The following SAMD12 variants were observed in gnomAD, a reference collection of about 807,000 sequenced individuals.
SAMD12 encodes sterile alpha motif domain containing 12.
Under a neutral mutation model 15.0 loss-of-function variants are expected in SAMD12, and 9 were observed. That is an observed-to-expected ratio of 0.60 (90% CI 0.36 to 1.05). SAMD12 has a LOEUF of 1.05. Ranked by LOEUF, SAMD12 falls within the 50% of genes least tolerant of loss-of-function variation. The pLI, the probability that SAMD12 is intolerant of heterozygous loss-of-function variation, is 0.01. For missense variants in SAMD12, 230 were observed against 234.2 expected, an observed-to-expected ratio of 0.98 and a Z score of 0.12; for synonymous variants, 86 against 90.1, an observed-to-expected ratio of 0.96 and a Z score of 0.25.
chr8:118,576,911 C>T (rs16891208), intron 2 of SAMD12, among the ~76,000 whole-genome samples: 3,229 of 152,234 alleles, frequency 0.021, 112 homozygotes, highest in African/African-American at 0.073. Flanking sequence ...TCTGGACCTC[C>T]CAATGCAATG....
intron 4 of SAMD12, among the ~76,000 whole-genome samples, chr8:118,368,338 A>G (rs952091147): frequency 1.3e-5 from 2 of 152,198 alleles, no homozygotes; most frequent in Admixed American, 1.3e-4. Context: ...ATCTGTTCAG[A>G]TTCCTATTAG....
intron 4 of SAMD12, among the ~76,000 whole-genome samples, chr8:118,287,252 G>C (rs1003702477): frequency 1.3e-5 from 2 of 151,464 alleles, no homozygotes; most frequent in African/African-American, 2.4e-5. Context: ...AGCCTTCCGA[G>C]TAGCTGGGAC....
the SAMD12 span, among the ~76,000 whole-genome samples, chr8:118,151,792 T>A: frequency 1.3e-5 from 2 of 148,724 alleles, no homozygotes; most frequent in African/African-American, 5.0e-5. Context: ...ATCACGCCAC[T>A]GCACTCTAGC....
At chr8:118,447,947 C>A (rs1822968203) in intron 2 of SAMD12, among the ~76,000 whole-genome samples, 1 of 151,670 alleles carries the variant, frequency 6.6e-6, no homozygotes, top group African/African-American at 2.4e-5. Flanking sequence ...CCAAGATGGT[C>A]TTGATCTCCT....
chr8:118,231,039 TTAA>T (rs1381749335), intron 4 of SAMD12, among the ~76,000 whole-genome samples: 1 of 152,144 alleles, frequency 6.6e-6, no homozygotes, highest in Non-Finnish European at 1.5e-5. Flanking sequence ...TAGAAGGTTA[TTAA>T]TAATAAGGCA....
Position 118,270,926 on chromosome 8 carries a change from G to A in SAMD12, c.434-73194C>T, listed in dbSNP as rs1473417624. ...ATTTATAACATGAGAAGTCCAAGGGGTTACTGCATCATTTGAATATAATTA... is the reference window on the plus strand; with the variant it reads ...ATTTATAACATGAGAAGTCCAAGGGATTACTGCATCATTTGAATATAATTA... On this transcript the variant is annotated intron_variant, in intron 4 of 4. Transcript: ENST00000409003. Among the ~76,000 whole-genome samples, 3 of 152,134 alleles carry A rather than the reference G, an allele frequency of 2.0e-5. No homozygotes were observed. The East Asian group carries it at 5.8e-4, about 29-fold the overall frequency.
chr8:118,320,503 G>A (rs899976077), intron 4 of SAMD12, among the ~76,000 whole-genome samples: 5 of 151,778 alleles, frequency 3.3e-5, no homozygotes, highest in African/African-American at 7.3e-5. Flanking sequence ...TGCAAAAAAA[G>A]GAAAATAGAA....
chr8:118,294,346 T>TA (rs1348617879), intron 4 of SAMD12, among the ~76,000 whole-genome samples: 1 of 152,172 alleles, frequency 6.6e-6, no homozygotes. Flanking sequence ...GGCATGGGTT[T>TA]AAAAAACATG....
At chr8:118,548,289 C>A (rs963611850) in intron 2 of SAMD12, among the ~76,000 whole-genome samples, 4 of 152,024 alleles carry the variant, frequency 2.6e-5, no homozygotes, top group African/African-American at 9.7e-5. Flanking sequence ...ACAAAACAGG[C>A]TCCAGTGGGG....
intron 4 of SAMD12, among the ~76,000 whole-genome samples, chr8:118,290,616 T>A (rs1262439096): frequency 6.6e-6 from 1 of 152,244 alleles, no homozygotes; most frequent in African/African-American, 2.4e-5. Context: ...GAGTTAACAC[T>A]AGTTATTTCA....
intron 1 of SAMD12, among the ~76,000 whole-genome samples, chr8:118,597,531 G>A (rs1392374939): frequency 3.3e-5 from 5 of 152,232 alleles, no homozygotes; most frequent in Non-Finnish European, 7.3e-5. Flanking sequence ...AGCTAGGGAT[G>A]CAATCCACAA....
At chr8:118,447,851 G>C (rs1044301681) in intron 2 of SAMD12, among the ~76,000 whole-genome samples, 1 of 151,570 alleles carries the variant, frequency 6.6e-6, no homozygotes, top group African/African-American at 2.4e-5. Context: ...TAAGCCTCCC[G>C]AGTAGCTGGG....
At chr8:118,390,256 C>T (rs572003269) in intron 3 of SAMD12, among the ~76,000 whole-genome samples, 171 of 152,272 alleles carry the variant, frequency 1.1e-3, no homozygotes, top group African/African-American at 4.0e-3. Flanking sequence ...AAGCCGCCTG[C>T]CTAAGCCTCC....
At chr8:118,377,484 T>A (rs1240132218), downstream of SAMD12, among the ~76,000 whole-genome samples, 1 of 152,016 alleles carries the variant, frequency 6.6e-6, no homozygotes, top group Non-Finnish European at 1.5e-5. Context: ...ACCCAAGAGC[T>A]AGAGAACAAT....
chr8:118,283,687 A>G (rs1213008766), intron 4 of SAMD12, among the ~76,000 whole-genome samples: 1 of 152,244 alleles, frequency 6.6e-6, no homozygotes, highest in Non-Finnish European at 1.5e-5. Context: ...CCTTCTGTAA[A>G]GAGGAAGGGC....
intron 2 of SAMD12, among the ~76,000 whole-genome samples, chr8:118,553,030 G>C (rs945489981): frequency 5.3e-5 from 8 of 152,178 alleles, no homozygotes; most frequent in Middle Eastern, 3.4e-3. Flanking sequence ...GGAAATAAAA[G>C]AGGATACAAA....
intron 3 of SAMD12, among the ~76,000 whole-genome samples, chr8:118,422,360 TCA>T (rs1822037244): frequency 6.6e-6 from 1 of 152,238 alleles, no homozygotes; most frequent in Admixed American, 6.5e-5. Context: ...ATAATAGCTG[TCA>T]TTTATTAATT....
chr8:118,548,384 T>TACACATACACAC (rs1826193343), intron 2 of SAMD12, among the ~76,000 whole-genome samples: 1 of 139,800 alleles, frequency 7.2e-6, no homozygotes, highest in Non-Finnish European at 1.6e-5. Flanking sequence ...AAAACACACA[T>TACACATACACAC]ACACACACAC....
intron 4 of SAMD12, among the ~76,000 whole-genome samples, chr8:118,263,678 G>C (rs1813134508): frequency 6.6e-6 from 1 of 152,112 alleles, no homozygotes; most frequent in South Asian, 2.1e-4. Flanking sequence ...ACAGAAGAAA[G>C]ACTCCAACAA....
Sources: allele counts gnomAD v4.1 joint callset (sites outside exome capture counted in the v4.1 genomes callset), GRCh38; gene constraint gnomAD v4.1.1; transcripts MANE v1.5; gene names NCBI Gene and HGNC (gene_info 2026-07-23, HGNC 2026-07-21).